Variants in NKAIN3 observed in about 807,000 individuals in gnomAD.
NKAIN3 encodes sodium/potassium transporting ATPase interacting 3.
Under a neutral mutation model 30.2 loss-of-function variants are expected in NKAIN3, and 25 were observed. The observed-to-expected ratio is 0.83, with a 90% confidence interval of 0.60 to 1.16. NKAIN3 has a LOEUF of 1.16. Ranked by LOEUF, NKAIN3 falls within the 50% of genes most tolerant of loss-of-function variation. The pLI is 0.00. For synonymous variants in NKAIN3, 91 were observed against 89.6 expected (o/e 1.02, Z -0.09); for missense variants, 225 against 254.1 (o/e 0.89, Z 0.78).
intron 3 of NKAIN3, among the ~76,000 whole-genome samples, chr8:62,721,129 G>A (rs954255671): frequency 6.6e-6 from 1 of 152,098 alleles, no homozygotes; most frequent in Non-Finnish European, 1.5e-5. Context: ...ATCTGTCCAG[G>A]AGTAAAATAT....
At chr8:62,902,671 G>C (rs1435372500) in intron 4 of NKAIN3, among the ~76,000 whole-genome samples, 1 of 152,174 alleles carries the variant, frequency 6.6e-6, no homozygotes, top group African/African-American at 2.4e-5. Context: ...ATTTTGGATT[G>C]TAAACGGGTA....
At chr8:62,691,024 T>C (rs1037365211) in intron 3 of NKAIN3, among the ~76,000 whole-genome samples, 2 of 152,202 alleles carry the variant, frequency 1.3e-5, no homozygotes, top group African/African-American at 4.8e-5. Context: ...ATCAGGGCTA[T>C]AATCCCTGCC....
chr8:62,538,695 T>C (rs765238380), intron 1 of NKAIN3, among the ~76,000 whole-genome samples: 14 of 152,232 alleles, frequency 9.2e-5, no homozygotes, highest in Admixed American at 1.3e-4. Context: ...TTTCAGCCTC[T>C]GTGGTCTCAG....
intron 1 of NKAIN3, among the ~76,000 whole-genome samples, chr8:62,336,468 C>T (rs1416672239): frequency 6.6e-6 from 1 of 151,986 alleles, no homozygotes; most frequent in Non-Finnish European, 1.5e-5. Flanking sequence ...AAGGCTTCAC[C>T]AACAGTCTTT....
rs935828012 is a variant in NKAIN3, at chr8:62,975,379, G to T, written c.*9972G>T. Among the ~76,000 whole-genome samples the T allele has an allele frequency of 6.6e-6, 1 of 151,922 alleles. No homozygotes were observed. Among genetic ancestry groups the T allele is most frequent in the South Asian group, 2.1e-4 (1 of 4,812 alleles). ...CTATTCAGGGATTCAACTTCTTCCT[G>T]GGTTAGTCATGGTAGGGTGAATGTG... On this transcript the variant is annotated 3_prime_UTR_variant, in exon 7 of 7. Coordinates refer to ENST00000623646, the MANE Select transcript of NKAIN3 (RefSeq NM_001304533.3).
rs192925955 is a variant in NKAIN3, at chr8:62,483,707, G to A, written c.55-95832G>A. ...TTGTCAGGGACAATAAGCCCTTGCC[G>A]AGTCAATAAATTAGCTTCTTCAACC... On this transcript the variant is annotated intron_variant, in intron 1 of 6. Transcript: ENST00000623646. The A allele has an allele frequency of 1.1e-3, 321 of 303,536 alleles. 5 individuals are homozygous for A. The highest frequency in any genetic ancestry group is 6.2e-3 in the Middle Eastern group (5 of 804). The allele number at this position is 303,536 out of a possible 1,614,324, so 18.8% of individuals were successfully genotyped here. A position where few individuals can be genotyped will look rare whatever the true frequency, so the allele number is the denominator to read the frequency against.
intron 1 of NKAIN3, among the ~76,000 whole-genome samples, chr8:62,558,968 C>T (rs1400934758): frequency 6.6e-6 from 1 of 151,908 alleles, no homozygotes; most frequent in Non-Finnish European, 1.5e-5. Flanking sequence ...TGTTTAGTTT[C>T]AAAGTTTGAG....
At chr8:62,601,598 A>G (rs1225123087) in intron 3 of NKAIN3, among the ~76,000 whole-genome samples, 1 of 151,984 alleles carries the variant, frequency 6.6e-6, no homozygotes, top group Non-Finnish European at 1.5e-5. Context: ...AGCTAAAGGA[A>G]TATTTTTGTC....
intron 1 of NKAIN3, among the ~76,000 whole-genome samples, chr8:62,413,898 T>A (rs941454865): frequency 6.6e-6 from 1 of 152,134 alleles, no homozygotes; most frequent in Non-Finnish European, 1.5e-5. Context: ...ACAGAAAGCC[T>A]TATGTGATTT....
rs1203723145 is a variant in NKAIN3 at position 62,856,838 on chromosome 8, A to G, written c.472-61615A>G. 12 of 605,436 alleles carry G rather than the reference A, an allele frequency of 2.0e-5. 1 individual carries two copies. Among genetic ancestry groups the G allele is most frequent in the Non-Finnish European group, 2.4e-5 (8 of 326,850 alleles). The allele number at this position is 605,436 out of a possible 1,614,324, so 37.5% of individuals were successfully genotyped here. On this transcript the variant is annotated intron_variant, in intron 4 of 6. Coordinates refer to ENST00000623646, the MANE Select transcript of NKAIN3 (RefSeq NM_001304533.3). ...TCTGCACTATAGAGCATCACTGCCA[A>G]GAGATCTCAAACACTGTTTATGATC...
At chr8:62,849,160 A>T (rs1819783881) in intron 4 of NKAIN3, among the ~76,000 whole-genome samples, 1 of 152,098 alleles carries the variant, frequency 6.6e-6, no homozygotes, top group South Asian at 2.1e-4. Flanking sequence ...TGGTATCAGG[A>T]TAATGGTGGC....
intron 1 of NKAIN3, among the ~76,000 whole-genome samples, chr8:62,274,510 AT>A (rs1446441359): frequency 6.6e-6 from 1 of 151,754 alleles, no homozygotes; most frequent in South Asian, 2.1e-4. Context: ...CATTTTCTTG[AT>A]TTTTTTTCTA....
intron 5 of NKAIN3, among the ~76,000 whole-genome samples, chr8:62,919,200 ACT>A (rs1822197446): frequency 7.8e-6 from 1 of 127,704 alleles, no homozygotes; most frequent in Non-Finnish European, 1.6e-5. Flanking sequence ...TCTGTTAGGG[ACT>A]CACTTTTTTT....
At chr8:62,772,427 A>T (rs1817048356) in intron 4 of NKAIN3, among the ~76,000 whole-genome samples, 1 of 152,162 alleles carries the variant, frequency 6.6e-6, no homozygotes, top group African/African-American at 2.4e-5. Flanking sequence ...TCTCCACAGT[A>T]GTTGTACTGA....
At chr8:62,649,395 G>A (rs867187714) in intron 3 of NKAIN3, among the ~76,000 whole-genome samples, 2 of 152,150 alleles carry the variant, frequency 1.3e-5, no homozygotes, top group Admixed American at 6.5e-5. Flanking sequence ...GAGCCAAACA[G>A]GCCAATGGGA....
chr8:62,442,688 CT>C (rs1441905072), intron 1 of NKAIN3, among the ~76,000 whole-genome samples: 1 of 151,494 alleles, frequency 6.6e-6, no homozygotes, highest in Non-Finnish European at 1.5e-5. Context: ...TTCACTTCCT[CT>C]TGTGGTCTGA....
chr8:62,582,716 T>C (rs1810345115), intron 2 of NKAIN3, among the ~76,000 whole-genome samples: 1 of 152,018 alleles, frequency 6.6e-6, no homozygotes, highest in Non-Finnish European at 1.5e-5. Flanking sequence ...TTTGGAAAAA[T>C]AGGAAAGAAT....
chr8:62,298,318 A>G (rs1294614234), intron 1 of NKAIN3, among the ~76,000 whole-genome samples: 1 of 152,172 alleles, frequency 6.6e-6, no homozygotes, highest in Non-Finnish European at 1.5e-5. Flanking sequence ...AACTTAAAGT[A>G]TCATAATAAT....
Position 62,345,642 on chromosome 8 carries a change from T to C in NKAIN3, c.54+96515T>C, listed in dbSNP as rs1446634782. On this transcript the variant is annotated intron_variant, in intron 1 of 6. Coordinates refer to ENST00000623646, the MANE Select transcript of NKAIN3 (RefSeq NM_001304533.3). ...ACACATATATATACACATATATGTA[T>C]ATATACACATATATACATATGTATA... 6.7e-5 allele frequency among the ~76,000 whole-genome samples: 10 copies of C among 149,992 alleles called. No homozygotes were observed. In the East Asian group the frequency reaches 2.0e-3, roughly 29 times the overall value.
Sources: gnomAD v4.1 joint callset for allele counts (sites outside exome capture counted in the v4.1 genomes callset) on GRCh38, gnomAD v4.1.1 for gene constraint, MANE v1.5 for transcripts, NCBI Gene and HGNC (gene_info 2026-07-23, HGNC 2026-07-21) for gene names.